DNAH5: variants seen among roughly 807,000 people sequenced by gnomAD.
DNAH5 encodes dynein axonemal heavy chain 5.
A neutral mutation model predicts 518.2 loss-of-function variants in DNAH5; 372 were observed. The observed-to-expected ratio is 0.72, with a 90% CI of 0.66 to 0.78. The LOEUF (loss-of-function observed/expected upper bound fraction) is 0.78, where lower values mean the gene tolerates loss of function less well. Ranked by LOEUF, DNAH5 falls within the 30% of genes least tolerant of loss-of-function variation. The pLI is 0.00. For missense variants in DNAH5, 5,523 were observed against 5,687.0 expected (o/e 0.97, Z 0.93); for synonymous variants, 2,039 against 2,025.9 (o/e 1.01, Z -0.17).
At chr5:13,820,107 TACATA>T (rs1762020621) in intron 41 of DNAH5, among the ~76,000 whole-genome samples, 1 of 152,234 alleles carries the variant, frequency 6.6e-6, no homozygotes, top group South Asian at 2.1e-4. Context: ...AAAATCAAAT[TACATA>T]ACATATGTAA....
chr5:13,958,275 T>A (rs1291360380), intron 1 of DNAH5, among the ~76,000 whole-genome samples: 1 of 152,166 alleles, frequency 6.6e-6, no homozygotes, highest in African/African-American at 2.4e-5. Flanking sequence ...ATGAGAAATT[T>A]AATGTAATTT....
chr5:13,760,455 T>C (rs1464905138), intron 60 of DNAH5, among the ~76,000 whole-genome samples: 1 of 152,152 alleles, frequency 6.6e-6, no homozygotes, highest in East Asian at 1.9e-4. Context: ...ATAACATGAG[T>C]TCAATAAATA....
intron 1 of DNAH5, among the ~76,000 whole-genome samples, chr5:13,931,829 T>C (rs1278340324): frequency 6.6e-6 from 1 of 152,220 alleles, no homozygotes; most frequent in Non-Finnish European, 1.5e-5. Context: ...TTCAAACATA[T>C]GCACACACCT....
intron 78 of DNAH5, among the ~76,000 whole-genome samples, chr5:13,699,111 A>C (rs1741740444): frequency 6.6e-6 from 1 of 152,132 alleles, no homozygotes; most frequent in Non-Finnish European, 1.5e-5. Context: ...TTACTGAATG[A>C]CCAAGCAAGC....
intron 52 of DNAH5, among the ~76,000 whole-genome samples, chr5:13,784,635 T>C (rs767077806): frequency 2.6e-4 from 39 of 152,216 alleles, no homozygotes; most frequent in Non-Finnish European, 5.1e-4. Flanking sequence ...GTAGATTCAG[T>C]AATTTTTAGA....
intron 19 of DNAH5, among the ~76,000 whole-genome samples, chr5:13,884,706 G>A (rs554309327): frequency 9.8e-5 from 15 of 152,296 alleles, no homozygotes; most frequent in East Asian, 5.8e-4. Context: ...GCGTGGCGGC[G>A]TGCGCCTATA....
intron 22 of DNAH5, among the ~76,000 whole-genome samples, chr5:13,873,659 T>C (rs1770457994): frequency 7.7e-6 from 1 of 130,164 alleles, no homozygotes; most frequent in Non-Finnish European, 1.5e-5. Context: ...ATTTAATTAC[T>C]ATTTATTTAT....
At chr5:13,867,373 T>TC (rs1473478387) in intron 25 of DNAH5, among the ~76,000 whole-genome samples, 1 of 152,096 alleles carries the variant, frequency 6.6e-6, no homozygotes, top group East Asian at 1.9e-4. Flanking sequence ...TCTCATGAGA[T>TC]CCGATGGTTT....
intron 1 of DNAH5, among the ~76,000 whole-genome samples, chr5:13,982,810 A>C (rs1055025138): frequency 2.7e-4 from 41 of 152,284 alleles, no homozygotes; most frequent in African/African-American, 9.6e-4. Flanking sequence ...AGAAATCAGC[A>C]GGTCCCTCAC....
At chr5:13,799,208 C>CA (rs1758342142) in intron 47 of DNAH5, among the ~76,000 whole-genome samples, 2 of 132,294 alleles carry the variant, frequency 1.5e-5, no homozygotes, top group Admixed American at 7.8e-5. Context: ...AATTTCATAC[C>CA]CCCCCCCACA....
intron 18 of DNAH5, 55 bp from the exon 19 acceptor site, chr5:13,885,283 A>G (rs1427885742): frequency 2.5e-6 from 4 of 1,569,018 alleles, no homozygotes; most frequent in African/African-American, 1.5e-5. Flanking sequence ...ATGGATGGAT[A>G]GATAGACAGA....
chr5:13,816,823 C>T (rs1761514550), intron 42 of DNAH5, among the ~76,000 whole-genome samples: 1 of 152,110 alleles, frequency 6.6e-6, no homozygotes, highest in Admixed American at 6.5e-5. Context: ...AAAGGGTAAA[C>T]CCAGGAAGCC....
intron 16 of DNAH5, among the ~76,000 whole-genome samples, chr5:13,893,916 GA>G (rs55894242): frequency 0.021 from 2,700 of 127,334 alleles, 68 homozygotes; most frequent in African/African-American, 0.07. Flanking sequence ...GTCTTTCTGA[GA>G]AAAAAAAAAA....
chr5:13,883,190 G>T, intron 19 of DNAH5, 96 bp from the exon 20 acceptor site: 1 of 1,230,190 alleles, frequency 8.1e-7, no homozygotes, highest in Non-Finnish European at 1.2e-6. Context: ...TACATAATAG[G>T]TATAAAATCT....
rs1462558254 is a variant in DNAH5 at position 13,768,956 on chromosome 5, G to A, written c.9897+4C>T. 4 of 1,613,940 alleles carry A rather than the reference G, an allele frequency of 2.5e-6. No individual in the cohort carries two copies. Among genetic ancestry groups the A allele is most frequent in the Non-Finnish European group, 3.4e-6 (4 of 1,179,976 alleles). On this transcript the variant is annotated splice_donor_region_variant and intron_variant, in intron 58 of 78. Transcript: ENST00000265104. ...CTGACATCTGTTATATCACATAGATGCACCTGCAATGCAGCTTCTGCCTCT... is the reference window on the plus strand; with the variant it reads ...CTGACATCTGTTATATCACATAGATACACCTGCAATGCAGCTTCTGCCTCT...
chr5:13,960,721 C>T (rs1431391706), intron 1 of DNAH5, among the ~76,000 whole-genome samples: 1 of 152,222 alleles, frequency 6.6e-6, no homozygotes, highest in Non-Finnish European at 1.5e-5. Context: ...TCCATGCTCA[C>T]CTCCCTGGGA....
chr5:13,776,205 T>C (rs767801160), intron 55 of DNAH5, among the ~76,000 whole-genome samples: 1 of 152,290 alleles, frequency 6.6e-6, no homozygotes, highest in South Asian at 2.1e-4. Context: ...ATTCTCAGCA[T>C]TGCAGCCTTG....
chr5:13,859,432 C>A lies in DNAH5; in HGVS notation c.4950+20G>T. On this transcript the variant is annotated intron_variant, in intron 30 of 78. Coordinates refer to ENST00000265104, the MANE Select transcript of DNAH5 (RefSeq NM_001369.3). Reference sequence around the variant, plus strand: ...CTTTCTCTGAAAAATCTGATGAAATCATAAAGAAGATTACAAAACCTTGGG... The same window carrying A: ...CTTTCTCTGAAAAATCTGATGAAATAATAAAGAAGATTACAAAACCTTGGG... 6.2e-7 allele frequency: 1 copy of A among 1,613,728 alleles called. No individual in the cohort carries two copies. Among genetic ancestry groups the A allele is most frequent in the African/African-American group, 1.3e-5 (1 of 75,014 alleles).
intron 36 of DNAH5, 88 bp from the exon 37 acceptor site, chr5:13,830,301 C>T (rs916000901): frequency 4.0e-6 from 5 of 1,236,458 alleles, no homozygotes; most frequent in Middle Eastern, 2.2e-4. Context: ...CTAAAATGAG[C>T]CAGATGTAAG....
Sources: gnomAD v4.1 joint callset for allele counts (sites outside exome capture counted in the v4.1 genomes callset) on GRCh38, gnomAD v4.1.1 for gene constraint, MANE v1.5 for transcripts, NCBI Gene and HGNC (gene_info 2026-07-23, HGNC 2026-07-21) for gene names.